The following C14orf93 variants were observed in gnomAD, a reference collection of about 807,000 sequenced individuals.
C14orf93 encodes chromosome 14 open reading frame 93.
C14orf93 carries 23 observed loss-of-function variants against 44.0 expected under a neutral mutation model. The observed-to-expected ratio is 0.52, with a 90% CI of 0.38 to 0.74. The LOEUF is 0.74. Among genes scored for constraint, C14orf93 ranks in the 30% least tolerant of loss-of-function variants. C14orf93 has a pLI of 0.00. For missense variants in C14orf93, 579 were observed against 678.9 expected, an observed-to-expected ratio of 0.85 and a Z score of 1.64; for synonymous variants, 253 against 265.7, an observed-to-expected ratio of 0.95 and a Z score of 0.46.
In C14orf93 at chr14:22,998,923, C is replaced by G. The variant is rs115384436; in HGVS notation, c.101G>C (p.Gly34Ala). The G allele has an allele frequency of 4.6e-4, 748 of 1,614,096 alleles. 3 individuals carry two copies. The African/African-American group carries it at 9.0e-3, about 20-fold the overall frequency. Residue 34 changes from glycine to alanine, a missense_variant, in exon 2 of 7, where the codon GGC becomes GCC. By Grantham distance (60) the Gly-to-Ala change is moderately conservative. Coordinates refer to ENST00000299088, the MANE Select transcript of C14orf93 (RefSeq NM_021944.4). ...CKSETNGGNT[G>A]SQGGNPPPST... is the part of the protein sequence containing the mutation. The stretch of plus-strand genomic sequence containing the variant: ...GGGAGGAGGATTCCCACCCTGGGAG[C>G]CTGTGTTGCCTCCATTAGTCTCACT...
rs969279724 is a variant in C14orf93 at position 22,999,392 on chromosome 14, C to A, written c.-369G>T. ...GGAACAGGGAAGGGATTCAGAAGGACCTTCCGGCATCTGGAAAGATTAGAA... is the reference window on the plus strand; with the variant it reads ...GGAACAGGGAAGGGATTCAGAAGGAACTTCCGGCATCTGGAAAGATTAGAA... On this transcript the variant is annotated 5_prime_UTR_variant, in exon 2 of 7. Transcript: ENST00000299088. 2 of 184,406 alleles carry A rather than the reference C, an allele frequency of 1.1e-5. No homozygotes were observed. The highest frequency in any genetic ancestry group is 1.1e-5 in the Non-Finnish European group (1 of 88,522). 11.4% of individuals were successfully genotyped at this position (184,406 alleles called of 1,614,324 possible).
At chr14:23,007,126 C>G (rs2046660423) in intron 1 of C14orf93, 1 of 152,206 alleles carries the variant, frequency 6.6e-6, no homozygotes, top group Admixed American at 6.5e-5. Flanking sequence ...ACAGAACTAT[C>G]CGCGGCGCCT....
intron 2 of C14orf93, among the ~76,000 whole-genome samples, chr14:22,997,539 T>TG (rs2046060856): frequency 6.6e-6 from 1 of 152,186 alleles, no homozygotes; most frequent in Admixed American, 6.5e-5. Flanking sequence ...ATCTCTATAG[T>TG]TGCTCCATCT....
Position 22,998,834 on chromosome 14 carries a change from C to T in C14orf93, c.190G>A (p.Val64Ile), listed in dbSNP as rs1227277463. 6.2e-6 allele frequency: 10 copies of T among 1,614,140 alleles called. 1 individual carries two copies. In the Admixed American group the frequency reaches 6.7e-5, roughly 11 times the overall value. The change falls in exon 2 of 7, where the codon GTT (valine) becomes ATT (isoleucine). Residue 64 changes from valine (V) to isoleucine (I), a missense_variant. Transcript: ENST00000299088. Reference sequence around the variant, plus strand: ...GCCTTATCGACCCGCTGGTAGATAACATGCAGGAGCTGCTCTGAGCTCTGA... The same window carrying T: ...GCCTTATCGACCCGCTGGTAGATAATATGCAGGAGCTGCTCTGAGCTCTGA... The part of the protein sequence containing the change: ...AVQSSEQLLH[V>I]IYQRVDKAVG...
chr14:22,992,939 G>A (rs962301943), intron 3 of C14orf93, among the ~76,000 whole-genome samples: 6 of 152,028 alleles, frequency 3.9e-5, no homozygotes, highest in African/African-American at 1.5e-4. Context: ...GAGTGCAGTG[G>A]TGTGGTCTCA....
Position 22,987,706 on chromosome 14 carries a change from G to T in C14orf93, c.1198-72C>A. ...GGATTAGATTTGGGGAAAAGGTTTGGTGGGGAAGGCTGTGTAAAATCTGTG... is the reference window on the plus strand; with the variant it reads ...GGATTAGATTTGGGGAAAAGGTTTGTTGGGGAAGGCTGTGTAAAATCTGTG... On this transcript the variant is annotated intron_variant, in intron 6 of 6. Coordinates refer to ENST00000299088, the MANE Select transcript of C14orf93 (RefSeq NM_021944.4). The surrounding 1 kb of genome is among the most constrained non-coding windows in gnomAD (Gnocchi z 5.6). 1 of 1,469,002 alleles carries T rather than the reference G, an allele frequency of 6.8e-7. No homozygotes were observed. The highest frequency in any genetic ancestry group is 1.4e-5 in the South Asian group (1 of 73,846). The allele number at this position is 1,469,002 out of a possible 1,614,324, so 91.0% of individuals were successfully genotyped here.
Position 22,999,171 on chromosome 14 carries a change from T to A in C14orf93, c.-148A>T, listed in dbSNP as rs989188498. The A allele has an allele frequency of 1.0e-4, 133 of 1,275,644 alleles. No homozygotes were observed. Among genetic ancestry groups the A allele is most frequent in the Admixed American group, 6.0e-4 (21 of 34,946 alleles). The allele number at this position is 1,275,644 out of a possible 1,614,324, so 79.0% of individuals were successfully genotyped here. A position where few individuals can be genotyped will look rare whatever the true frequency, so the allele number is the denominator to read the frequency against. On this transcript the variant is annotated 5_prime_UTR_variant, in exon 2 of 7. Coordinates refer to ENST00000299088, the MANE Select transcript of C14orf93 (RefSeq NM_021944.4). ...AGCTGTAGGGTCTGTGAAAGAAGAG[T>A]AAACAAGCCATGAAGAAGCACACAG...
intron 1 of C14orf93, among the ~76,000 whole-genome samples, chr14:23,009,858 A>G (rs149285820): frequency 1.1e-3 from 160 of 152,272 alleles, no homozygotes; most frequent in African/African-American, 3.6e-3. Context: ...AAAAAAAGAA[A>G]AAAAAACTAT....
Position 22,987,049 on chromosome 14 carries a change from T to TA in C14orf93, c.*165dup. ...GTTTCTCCCCTTCTAGATAAGTTTT[T>TA]ATCCCACCAGTGTTCTGCTTCCCCA... On this transcript the variant is annotated 3_prime_UTR_variant, in exon 7 of 7. Transcript: ENST00000299088. This position sits in a 1 kb window ranked among gnomAD's most constrained non-coding sequence, Gnocchi z 5.6. 1.4e-6 allele frequency: 1 copy of TA among 724,720 alleles called. No homozygotes were observed. 44.9% of individuals were successfully genotyped at this position (724,720 alleles called of 1,614,324 possible). A position where few individuals can be genotyped will look rare whatever the true frequency, so the allele number is the denominator to read the frequency against.
intron 3 of C14orf93, among the ~76,000 whole-genome samples, chr14:22,992,372 A>AG (rs1399969834): frequency 1.3e-5 from 2 of 151,090 alleles, no homozygotes; most frequent in African/African-American, 4.9e-5. Flanking sequence ...AGGCTGAGAC[A>AG]GAGGAATTGC....
rs753663359 is a variant in C14orf93 at position 22,995,947 on chromosome 14, CAG to C, written c.917_918del (p.Ser306Ter). ...AATTTATAGAAACTGAGCTCACTCA[CAG>C]AGAGTACAAGATCCCGCTTGCGCCT... ...NSRRKRDLVL[S>X]KLVHNVHNHI... is the part of the protein sequence containing the mutation. On this transcript the variant is annotated frameshift_variant and splice_region_variant, in exon 3 of 7. Transcript: ENST00000299088. LOFTEE classifies it high-confidence loss of function. 6 of 1,573,714 alleles carry C rather than the reference CAG, an allele frequency of 3.8e-6. No homozygotes were observed. In the Middle Eastern group the frequency reaches 5.1e-4, roughly 134 times the overall value.
chr14:23,007,558 C>T (rs1195784006), intron 1 of C14orf93, among the ~76,000 whole-genome samples: 1 of 152,100 alleles, frequency 6.6e-6, no homozygotes, highest in Non-Finnish European at 1.5e-5. Flanking sequence ...CTAGGGGCCC[C>T]GAGGATTCCC....
chr14:23,005,371 C>T (rs1370991084), intron 1 of C14orf93: 1 of 152,244 alleles, frequency 6.6e-6, no homozygotes, highest in African/African-American at 2.4e-5. Flanking sequence ...CATGGTGGCT[C>T]ATGCCTGTAA....
At chr14:22,995,273 G>A (rs997154) in intron 3 of C14orf93, among the ~76,000 whole-genome samples, 33,637 of 152,154 alleles carry the variant, frequency 0.22, 3,829 homozygotes, top group African/African-American at 0.23. Context: ...TCCACCCAAG[G>A]TGCCCCTTGT....
intron 1 of C14orf93, among the ~76,000 whole-genome samples, chr14:23,007,356 G>GT (rs1433891321): frequency 6.6e-6 from 1 of 152,218 alleles, no homozygotes; most frequent in Non-Finnish European, 1.5e-5. Flanking sequence ...TCTTTAGCTT[G>GT]TTTTTGTTTA....
rs1388525989 is a variant in C14orf93 at position 22,986,607 on chromosome 14, A to G, written c.*608T>C. 6.5e-6 allele frequency: 1 copy of G among 153,362 alleles called. No individual in the cohort carries two copies. The highest frequency in any genetic ancestry group is 1.9e-4 in the East Asian group (1 of 5,208). The allele number at this position is 153,362 out of a possible 1,614,324, so 9.5% of individuals were successfully genotyped here. ...GAACTCTTTAAGCCTTAATTTCCTC[A>G]TCTGTAAGATAGGAATAGTAAAATT... On this transcript the variant is annotated 3_prime_UTR_variant, in exon 7 of 7. Coordinates refer to ENST00000299088, the MANE Select transcript of C14orf93 (RefSeq NM_021944.4).
chr14:22,990,043 CTT>C, intron 4 of C14orf93, 21 bp downstream of exon 4: 1 of 1,598,900 alleles, frequency 6.3e-7, no homozygotes, highest in Middle Eastern at 1.7e-4. Context: ...CCTTCTAATT[CTT>C]TTTCCTCAAG....
intron 1 of C14orf93, chr14:23,002,632 CA>C (rs1437870756): frequency 1.3e-5 from 2 of 152,152 alleles, no homozygotes; most frequent in Non-Finnish European, 1.5e-5. Context: ...GGCACATGGT[CA>C]GTGCTCCACT....
In C14orf93 at chr14:22,996,818, G is replaced by A. The variant is rs140440070; in HGVS notation, c.598-550C>T. 2.0e-5 allele frequency among the ~76,000 whole-genome samples: 3 copies of A among 152,038 alleles called. No individual in the cohort carries two copies. The highest frequency in any genetic ancestry group is 4.4e-5 in the Non-Finnish European group (3 of 68,016). On this transcript the variant is annotated intron_variant, in intron 2 of 6. Transcript: ENST00000299088. This position sits in a 1 kb window ranked among gnomAD's most constrained non-coding sequence, Gnocchi z 4.1. ...CCTTGATCCTGCCCCGGCCACATTC[G>A]ACTGTCATAGCCCCTGACATCTACC...
Sources: gnomAD v4.1 joint callset for allele counts (sites outside exome capture counted in the v4.1 genomes callset) on GRCh38, gnomAD v4.1.1 for gene constraint, Gnocchi (gnomAD v3.1) non-coding constraint, MANE v1.5 for transcripts, NCBI Gene and HGNC (gene_info 2026-07-23, HGNC 2026-07-21) for gene names.